CD274: variants seen among roughly 807,000 people sequenced by gnomAD.
CD274 encodes the protein programmed cell death 1 ligand 1.
A neutral mutation model predicts 30.1 loss-of-function variants in CD274; 8 were observed. That is an observed-to-expected ratio of 0.27 (90% CI 0.16 to 0.48). The LOEUF (loss-of-function observed/expected upper bound fraction) is 0.48, where lower values mean the gene tolerates loss of function less well. CD274 is among the 20% of genes least tolerant of loss of function. CD274 has a pLI of 0.99. For missense variants in CD274, 353 were observed against 346.6 expected (o/e 1.02, Z -0.15); for synonymous variants, 152 against 124.6 (o/e 1.22, Z -1.46).
intron 1 of CD274, among the ~76,000 whole-genome samples, chr9:5,454,690 G>A (rs1450946131): frequency 1.3e-5 from 2 of 152,016 alleles, no homozygotes; most frequent in Admixed American, 6.5e-5. Context: ...CTAGGAGAGG[G>A]TGAAAGGTCT....
intron 3 of CD274, 124 bp from the exon 4 acceptor site, chr9:5,462,710 A>G (rs1819425782): frequency 1.2e-6 from 1 of 830,536 alleles, no homozygotes; most frequent in Admixed American, 2.5e-5. Flanking sequence ...AGGCATCTGA[A>G]CATTAAGCAT....
chr9:5,457,290 G>T lies in CD274; in HGVS notation c.264G>T (p.Leu88Phe). 6.2e-7 allele frequency: 1 copy of T among 1,613,946 alleles called. No individual in the cohort carries two copies. Among genetic ancestry groups the T allele is most frequent in the Non-Finnish European group, 8.5e-7 (1 of 1,180,004 alleles). Residue 88 changes from leucine (L) to phenylalanine (F), a missense_variant, in exon 3 of 7, where the codon TTG (leucine) becomes TTT (phenylalanine). Transcript: ENST00000381577. ...HSSYRQRARL[L>F]KDQLSLGNAA... ...GCTACAGACAGAGGGCCCGGCTGTT[G>T]AAGGACCAGCTCTCCCTGGGAAATG...
intron 5 of CD274, 140 bp downstream of exon 5, chr9:5,465,746 G>C: frequency 1.7e-6 from 1 of 575,202 alleles, no homozygotes; most frequent in Non-Finnish European, 3.1e-6. Flanking sequence ...TTATATTGAA[G>C]CTGAGTGGGA....
Position 5,457,076 on chromosome 9 carries a change from T to G in CD274, c.53-3T>G, listed in dbSNP as rs1321847820. On this transcript the variant is annotated splice_polypyrimidine_tract_variant and splice_region_variant and intron_variant, in intron 2 of 6. Transcript: ENST00000381577. ...TCTGAAGATTGTCCTTCTTTCTTTT[T>G]AGCATTTACTGTCACGGTTCCCAAG... 6.3e-7 allele frequency: 1 copy of G among 1,586,182 alleles called. No individual in the cohort carries two copies. The highest frequency in any genetic ancestry group is 8.6e-7 in the Non-Finnish European group (1 of 1,159,960).
chr9:5,456,152 G>C lies in CD274; in HGVS notation c.39G>C (p.Trp13Cys), dbSNP rs776345482. The C allele has an allele frequency of 1.9e-6, 3 of 1,606,548 alleles. No homozygotes were observed. The highest frequency in any genetic ancestry group is 1.1e-5 in the South Asian group (1 of 90,842). ...CTGTCTTTATATTCATGACCTACTG[G>C]CATTTGCTGAACGGTAAGACACCAA... ...IFAVFIFMTY[W>C]HLLNAFTVTV... Residue 13 changes from tryptophan to cysteine, a missense_variant, in exon 2 of 7, where the codon TGG (tryptophan) becomes TGC (cysteine). By Grantham distance (215) the Trp-to-Cys change is radical (BLOSUM62 -2). Coordinates refer to ENST00000381577, the MANE Select transcript of CD274 (RefSeq NM_014143.4).
At chr9:5,463,790 G>A (rs1284735037) in intron 4 of CD274, among the ~76,000 whole-genome samples, 1 of 152,138 alleles carries the variant, frequency 6.6e-6, no homozygotes, top group African/African-American at 2.4e-5. Context: ...CTTATTGTAA[G>A]GGTCAGATTA....
intron 3 of CD274, among the ~76,000 whole-genome samples, chr9:5,462,245 A>T (rs9696950): frequency 0.089 from 13,590 of 152,224 alleles, 645 homozygotes; most frequent in Middle Eastern, 0.13. Flanking sequence ...AAAGTGAATG[A>T]CACCTCAAAA....
chr9:5,453,605 C>T (rs1421433391), intron 1 of CD274, among the ~76,000 whole-genome samples: 1 of 152,098 alleles, frequency 6.6e-6, no homozygotes, highest in Non-Finnish European at 1.5e-5. Context: ...AAATAAGATG[C>T]TTATGAATAC....
chr9:5,451,111 G>A (rs1819195018), intron 1 of CD274, among the ~76,000 whole-genome samples: 1 of 152,208 alleles, frequency 6.6e-6, no homozygotes. Flanking sequence ...GAATGGAGGA[G>A]CCTAAGAATA....
intron 1 of CD274, among the ~76,000 whole-genome samples, chr9:5,452,135 G>T (rs1341329654): frequency 6.7e-6 from 1 of 149,540 alleles, no homozygotes; most frequent in Non-Finnish European, 1.5e-5. Flanking sequence ...TCCTGCCTCA[G>T]CCTCCCGAGT....
intron 5 of CD274, chr9:5,465,896 G>A (rs745692600): frequency 3.9e-5 from 8 of 207,562 alleles, no homozygotes; most frequent in South Asian, 2.7e-4. Flanking sequence ...TAAAATGCCC[G>A]TCATTTTCAG....
chr9:5,465,676 A>G, intron 5 of CD274, 70 bp downstream of exon 5: 1 of 942,610 alleles, frequency 1.1e-6, no homozygotes, highest in Non-Finnish European at 1.7e-6. Context: ...TCATGGCTGC[A>G]AGGAAACCCG....
At chr9:5,451,720 A>G (rs2131202307) in intron 1 of CD274, among the ~76,000 whole-genome samples, 1 of 152,362 alleles carries the variant, frequency 6.6e-6, no homozygotes, top group East Asian at 1.9e-4. Flanking sequence ...TGGAAAATGT[A>G]CAAGAGTGTC....
In CD274 at chr9:5,462,856, A is replaced by G. The variant is rs778380713; in HGVS notation, c.417A>G (p.Gln139=). 1.2e-5 allele frequency: 19 copies of G among 1,613,398 alleles called. No individual in the cohort carries two copies. Among genetic ancestry groups the G allele is most frequent in the African/African-American group, 2.7e-5 (2 of 74,874 alleles). Residue 139 remains glutamine, a synonymous_variant, in exon 4 of 7, where the codon CAA becomes CAG. Transcript: ENST00000381577. The part of the protein sequence containing the change: ...KVNAPYNKIN[Q]RILVVDPVTS... ...TAGCCCCATACAACAAAATCAACCA[A>G]AGAATTTTGGTTGTGGATCCAGTCA...
intron 3 of CD274, among the ~76,000 whole-genome samples, chr9:5,460,907 G>A (rs1162753794): frequency 3.3e-5 from 5 of 152,102 alleles, no homozygotes; most frequent in African/African-American, 4.8e-5. Flanking sequence ...ATAAGAAACT[G>A]CCGTTTTTGA....
At chr9:5,462,329 A>G (rs1247815119) in intron 3 of CD274, among the ~76,000 whole-genome samples, 1 of 152,216 alleles carries the variant, frequency 6.6e-6, no homozygotes, top group Admixed American at 6.5e-5. Context: ...ATAAAGACAG[A>G]TTTATAACAA....
At chr9:5,454,714 T>A (rs1415294469) in intron 1 of CD274, among the ~76,000 whole-genome samples, 3 of 152,106 alleles carry the variant, frequency 2.0e-5, no homozygotes, top group Non-Finnish European at 4.4e-5. Flanking sequence ...GACATCCGCA[T>A]TTACGATTGT....
rs976071554 is a variant in CD274, at chr9:5,470,503, T to C, written c.*2641T>C. 5 of 212,142 alleles carry C rather than the reference T, an allele frequency of 2.4e-5. No homozygotes were observed. The highest frequency in any genetic ancestry group is 4.5e-5 in the African/African-American group (2 of 44,206). The allele number at this position is 212,142 out of a possible 1,614,324, so 13.1% of individuals were successfully genotyped here. ...TTTTGTTACTTGGTACACCAGCATG[T>C]CCATTTTCTTGTTTATTTTGTGTTT... On this transcript the variant is annotated 3_prime_UTR_variant, in exon 7 of 7. Coordinates refer to ENST00000381577, the MANE Select transcript of CD274 (RefSeq NM_014143.4).
At chr9:5,463,835 C>G (rs1029069993) in intron 4 of CD274, among the ~76,000 whole-genome samples, 1 of 152,100 alleles carries the variant, frequency 6.6e-6, no homozygotes, top group African/African-American at 2.4e-5. Flanking sequence ...AGACCATTGC[C>G]TGCACAAATT....
Sources: gnomAD v4.1 joint callset for allele counts (sites outside exome capture counted in the v4.1 genomes callset) on GRCh38, gnomAD v4.1.1 for gene constraint, MANE v1.5 for transcripts, NCBI Gene and HGNC (gene_info 2026-07-23, HGNC 2026-07-21) for gene names.